ADAM2: variants seen among roughly 807,000 people sequenced by gnomAD.
ADAM2 encodes disintegrin and metalloproteinase domain-containing protein 2.
Under a neutral mutation model 99.3 loss-of-function variants are expected in ADAM2, and 101 were observed. The ratio of observed to expected loss-of-function variants is 1.02; its 90% CI spans 0.87 to 1.20. ADAM2 has a LOEUF of 1.20. Ranked by LOEUF, ADAM2 falls within the 50% of genes most tolerant of loss-of-function variation. The probability of loss-of-function intolerance (pLI) is 0.00; values close to 1 mark genes in which losing one functional copy is unlikely to be tolerated. For synonymous variants in ADAM2, 323 were observed against 287.6 expected (o/e 1.12, Z -1.25); for missense variants, 948 against 878.7 (o/e 1.08, Z -1.00).
intron 11 of ADAM2, 120 bp downstream of exon 11, chr8:39,776,905 C>A (rs1803011506): frequency 1.6e-6 from 1 of 627,726 alleles, no homozygotes; most frequent in Admixed American, 3.1e-5. Context: ...ACATTTTGGT[C>A]CTGGAGTCCT....
chr8:39,778,021 A>G (rs1803068300), intron 10 of ADAM2, among the ~76,000 whole-genome samples: 1 of 147,896 alleles, frequency 6.8e-6, no homozygotes, highest in South Asian at 2.1e-4. Context: ...ATATTTATAT[A>G]ATTTTAATAT....
At chr8:39,776,058 T>C (rs1420064251) in intron 11 of ADAM2, among the ~76,000 whole-genome samples, 1 of 152,102 alleles carries the variant, frequency 6.6e-6, no homozygotes, top group Non-Finnish European at 1.5e-5. Flanking sequence ...ATATCCTTAG[T>C]AACATTGTAT....
intron 2 of ADAM2, among the ~76,000 whole-genome samples, chr8:39,834,732 CAAAA>C (rs79431764): frequency 5.7e-5 from 3 of 52,928 alleles, no homozygotes; most frequent in South Asian, 1.5e-3. Context: ...AAGACTCCAT[CAAAA>C]AAAAAAAAAA....
rs553798534 is a variant in ADAM2 at position 39,817,466 on chromosome 8, C to A, written c.513+3536G>T. Reference sequence around the variant, plus strand: ...TTAACAATAATTTATTGTATGTTTTCAAGTAGCTTAAAGAGGCAATTTTGA... The same window carrying A: ...TTAACAATAATTTATTGTATGTTTTAAAGTAGCTTAAAGAGGCAATTTTGA... On this transcript the variant is annotated intron_variant, in intron 6 of 20. Coordinates refer to ENST00000265708, the MANE Select transcript of ADAM2 (RefSeq NM_001464.5). Among the ~76,000 whole-genome samples the A allele has an allele frequency of 1.6e-3, 244 of 152,168 alleles. 2 individuals carry two copies. The highest frequency in any genetic ancestry group is 5.5e-3 in the African/African-American group (230 of 41,540).
chr8:39,756,676 C>G (rs1802162949), intron 15 of ADAM2, among the ~76,000 whole-genome samples: 2 of 152,156 alleles, frequency 1.3e-5, no homozygotes, highest in Admixed American at 6.5e-5. Context: ...ATGGCCTGAA[C>G]TTTTCTCCCT....
At chr8:39,767,370 C>G in intron 12 of ADAM2, 119 bp from the exon 13 acceptor site, 1 of 860,730 alleles carries the variant, frequency 1.2e-6, no homozygotes, top group Non-Finnish European at 1.8e-6. Context: ...TACATGTTGG[C>G]AAACAGAAAA....
intron 11 of ADAM2, among the ~76,000 whole-genome samples, chr8:39,775,705 G>A (rs1197770812): frequency 2.0e-5 from 3 of 152,028 alleles, no homozygotes; most frequent in Non-Finnish European, 4.4e-5. Flanking sequence ...AGAAATATTG[G>A]TGCAATAGAT....
At chr8:39,771,760 T>C (rs1430353836) in intron 11 of ADAM2, among the ~76,000 whole-genome samples, 1 of 152,116 alleles carries the variant, frequency 6.6e-6, no homozygotes, top group Non-Finnish European at 1.5e-5. Flanking sequence ...ATGAATTTAT[T>C]ATAAATTGCC....
In ADAM2 at chr8:39,793,329, T is replaced by C. The variant is rs539611138; in HGVS notation, c.571-4589A>G. Among the ~76,000 whole-genome samples, 3 of 152,200 alleles carry C rather than the reference T, an allele frequency of 2.0e-5. No homozygotes were observed. In the East Asian group the frequency reaches 5.8e-4, roughly 29 times the overall value. Reference sequence around the variant, plus strand: ...CCATCTGTAGATTGTTATTAAGAAATAGAATGAATAAAATGGACCTTAATT... The same window carrying C: ...CCATCTGTAGATTGTTATTAAGAAACAGAATGAATAAAATGGACCTTAATT... On this transcript the variant is annotated intron_variant, in intron 7 of 20. Coordinates refer to ENST00000265708, the MANE Select transcript of ADAM2 (RefSeq NM_001464.5).
intron 7 of ADAM2, among the ~76,000 whole-genome samples, chr8:39,798,810 C>A (rs779131433): frequency 1.3e-5 from 2 of 151,934 alleles, no homozygotes; most frequent in Non-Finnish European, 2.9e-5. Flanking sequence ...CTTCTAGACT[C>A]TCCAGTTTTT....
chr8:39,829,417 T>C (rs1805532452), intron 3 of ADAM2, among the ~76,000 whole-genome samples: 1 of 151,978 alleles, frequency 6.6e-6, no homozygotes, highest in South Asian at 2.1e-4. Context: ...AGAGAAATTA[T>C]TTACAGTTGG....
At chr8:39,744,445 C>A (rs942313553) in intron 20 of ADAM2, among the ~76,000 whole-genome samples, 3 of 151,916 alleles carry the variant, frequency 2.0e-5, no homozygotes, top group East Asian at 1.9e-4. Context: ...CCAACCCCCC[C>A]ATCCTTAAAA....
In ADAM2 at chr8:39,777,068, A is replaced by G. The variant is rs1378177074; in HGVS notation, c.985T>C (p.Cys329Arg). 4.4e-6 allele frequency: 7 copies of G among 1,600,686 alleles called. No homozygotes were observed. In the Admixed American group the frequency reaches 1.0e-4, roughly 23 times the overall value. ...ATGCAGACAGCTCCTGAGCACTGGC[A>G]TTTGTTAATGTCATCATAAGTGATC... The part of the protein sequence containing the change: ...MGITYDDINK[C>R]QCSGAVCIMN... Residue 329 changes from cysteine (C) to arginine (R), a missense_variant, in exon 11 of 21, where the codon TGC becomes CGC. Physicochemically the swap from Cys to Arg is radical, Grantham distance 180. Transcript: ENST00000265708.
chr8:39,791,178 G>T (rs2129585591), intron 7 of ADAM2, among the ~76,000 whole-genome samples: 1 of 152,040 alleles, frequency 6.6e-6, no homozygotes, highest in African/African-American at 2.4e-5. Context: ...TCCAGGGAGA[G>T]ATAATAGCCA....
At chr8:39,837,621 G>C (rs75150861) in intron 1 of ADAM2, among the ~76,000 whole-genome samples, 1 of 151,996 alleles carries the variant, frequency 6.6e-6, no homozygotes. Context: ...TCCTGACCTC[G>C]TGATACGCCT....
rs1308005038 is a variant in ADAM2 at position 39,749,316 on chromosome 8, G to A, written c.2010C>T (p.Leu670=). 6.2e-7 allele frequency: 1 copy of A among 1,608,004 alleles called. No individual in the cohort carries two copies. The highest frequency in any genetic ancestry group is 8.5e-7 in the Non-Finnish European group (1 of 1,176,752). The change falls in exon 18 of 21, where the codon CTC becomes CTT. Residue 670 remains leucine, a synonymous_variant. Transcript: ENST00000265708. ...TGATTTATTATTAATACTTACCAGG[G>A]AGTCTGGCTGGTATAGCTACAGGTG... ...NFPPVAIPAR[L]PERRYIENIY...
intron 14 of ADAM2, among the ~76,000 whole-genome samples, chr8:39,763,410 C>T (rs1211984101): frequency 6.6e-6 from 1 of 152,156 alleles, no homozygotes; most frequent in Non-Finnish European, 1.5e-5. Flanking sequence ...GGAAAACACC[C>T]AAATTGGTTC....
Position 39,806,373 on chromosome 8 carries a change from C to T in ADAM2, c.570+3037G>A, listed in dbSNP as rs971026969. ...ACAAACAACAGAAGAATAGAAACAA[C>T]GATTTCAAGATAGGCTTTCAGGATT... On this transcript the variant is annotated intron_variant, in intron 7 of 20. Transcript: ENST00000265708. Among the ~76,000 whole-genome samples, 14 of 151,484 alleles carry T rather than the reference C, an allele frequency of 9.2e-5. No individual in the cohort carries two copies. In the South Asian group the frequency reaches 1.0e-3, roughly 11 times the overall value.
chr8:39,775,019 G>A (rs1802931015), intron 11 of ADAM2, among the ~76,000 whole-genome samples: 1 of 151,942 alleles, frequency 6.6e-6, no homozygotes, highest in South Asian at 2.1e-4. Flanking sequence ...GGGAGGAAAG[G>A]TCGATATCAG....
Sources: gnomAD v4.1 joint callset for allele counts (sites outside exome capture counted in the v4.1 genomes callset) on GRCh38, gnomAD v4.1.1 for gene constraint, MANE v1.5 for transcripts, NCBI Gene and HGNC (gene_info 2026-07-23, HGNC 2026-07-21) for gene names.